The following ELOVL7 variants were observed in gnomAD, a reference collection of about 807,000 sequenced individuals.
ELOVL7 encodes the protein ELOVL fatty acid elongase 7.
ELOVL7 carries 27 observed loss-of-function variants against 35.7 expected under a neutral mutation model. That is an observed-to-expected ratio of 0.76 (90% CI 0.56 to 1.04). The LOEUF is 1.04. Ranked by LOEUF, ELOVL7 falls within the 50% of genes least tolerant of loss-of-function variation. The pLI is 0.00. For missense variants in ELOVL7, 327 were observed against 340.8 expected, an observed-to-expected ratio of 0.96 and a Z score of 0.32; for synonymous variants, 113 against 114.6, an observed-to-expected ratio of 0.99 and a Z score of 0.09.
chr5:60,780,573 C>A (rs553952967), intron 3 of ELOVL7, among the ~76,000 whole-genome samples: 1 of 152,308 alleles, frequency 6.6e-6, no homozygotes, highest in East Asian at 1.9e-4. Flanking sequence ...TCCATTCTCA[C>A]ACTGCTATGA....
At chr5:60,785,407 T>C (rs1420582703) in intron 3 of ELOVL7, among the ~76,000 whole-genome samples, 3 of 152,340 alleles carry the variant, frequency 2.0e-5, no homozygotes, top group Middle Eastern at 3.4e-3. Flanking sequence ...TAGGACTACA[T>C]AGATATTTAT....
At chr5:60,795,937 G>GCCATCTTGGGAGCAGCCCGCCA (rs1460229491) in intron 2 of ELOVL7, among the ~76,000 whole-genome samples, 2 of 152,174 alleles carry the variant, frequency 1.3e-5, no homozygotes, top group African/African-American at 2.4e-5. Flanking sequence ...AAGGCTTGCC[G>GCCATCTTGGGAGCAGCCCGCCA]CCATCTTGGG....
rs1298925920 is a variant in ELOVL7 at position 60,754,788 on chromosome 5, T to A, written c.682A>T (p.Met228Leu). ...VAIHISQFFF[M>L]EDCKYQFPVF... The stretch of plus-strand genomic sequence containing the variant: ...GGAAACTGATACTTGCAATCCTCCA[T>A]GAAAAAGAACTGGCTTATGTGGATG... Residue 228 changes from methionine to leucine, a missense_variant, in exon 9 of 9, where the codon ATG becomes TTG. Physicochemically the swap from Met to Leu is conservative, Grantham distance 15. Transcript: ENST00000508821. 6.2e-7 allele frequency: 1 copy of A among 1,613,974 alleles called. No homozygotes were observed. The highest frequency in any genetic ancestry group is 2.2e-5 in the East Asian group (1 of 44,872).
Position 60,778,401 on chromosome 5 carries a change from G to A in ELOVL7, c.65-6308C>T, listed in dbSNP as rs571475990. 2.6e-5 allele frequency among the ~76,000 whole-genome samples: 4 copies of A among 152,292 alleles called. No individual in the cohort carries two copies. In the South Asian group the frequency reaches 8.3e-4, roughly 32 times the overall value. On this transcript the variant is annotated intron_variant, in intron 3 of 8. Transcript: ENST00000508821. ...GCTATGAAGAAATACCCGAGACTGG[G>A]TAATTTATCAAGGAAAGAGGTTTAA...
At chr5:60,822,117 G>A (rs2112356047) in intron 1 of ELOVL7, among the ~76,000 whole-genome samples, 1 of 152,174 alleles carries the variant, frequency 6.6e-6, no homozygotes, top group East Asian at 1.9e-4. Flanking sequence ...ATGAAGGTGT[G>A]AATGATAAGA....
chr5:60,777,907 C>T (rs903899808), intron 3 of ELOVL7, among the ~76,000 whole-genome samples: 84 of 152,256 alleles, frequency 5.5e-4, no homozygotes, highest in Non-Finnish European at 1.2e-3. Context: ...AACAAAAGGA[C>T]GTCTCTGATG....
chr5:60,791,187 G>A (rs1313406757), intron 2 of ELOVL7, among the ~76,000 whole-genome samples: 4 of 152,076 alleles, frequency 2.6e-5, no homozygotes, highest in Non-Finnish European at 5.9e-5. Context: ...TGTTGCTCAG[G>A]CTGGTCTCAA....
At chr5:60,784,232 T>G in intron 3 of ELOVL7, 1 of 985,156 alleles carries the variant, frequency 1.0e-6, no homozygotes, top group East Asian at 2.6e-5. Context: ...AAAGCAAACA[T>G]GTACCTTAAG....
intron 2 of ELOVL7, among the ~76,000 whole-genome samples, chr5:60,793,221 T>C: frequency 6.6e-6 from 1 of 152,128 alleles, no homozygotes; most frequent in East Asian, 1.9e-4. Flanking sequence ...GCCACAGAGG[T>C]TCAGAAACTC....
intron 3 of ELOVL7, among the ~76,000 whole-genome samples, 197 bp from the exon 4 acceptor site, chr5:60,772,290 G>A (rs1742646909): frequency 6.6e-6 from 1 of 152,140 alleles, no homozygotes; most frequent in Non-Finnish European, 1.5e-5. Context: ...AACAGTGGGA[G>A]AGGAGCTGTA....
chr5:60,789,493 T>C (rs990239893), intron 2 of ELOVL7, among the ~76,000 whole-genome samples: 8 of 152,192 alleles, frequency 5.3e-5, no homozygotes, highest in African/African-American at 1.9e-4. Context: ...TGTGGGAAAT[T>C]CTCTCTCTTC....
chr5:60,761,448 A>G lies in ELOVL7; in HGVS notation c.499+2779T>C, dbSNP rs535846731. On this transcript the variant is annotated intron_variant, in intron 7 of 8. Transcript: ENST00000508821. ...TTGGAATGGACAGTTTCATTCTAGG[A>G]ATGGACCTCAGCGCCAAACAACATT... Among the ~76,000 whole-genome samples the G allele has an allele frequency of 4.6e-5, 7 of 152,252 alleles. No individual in the cohort carries two copies. In the East Asian group the frequency reaches 1.4e-3, roughly 29 times the overall value.
chr5:60,798,313 T>C (rs16878436), intron 2 of ELOVL7, among the ~76,000 whole-genome samples: 6,195 of 152,184 alleles, frequency 0.041, 436 homozygotes, highest in African/African-American at 0.14. Flanking sequence ...AACATACATC[T>C]CTTCAGATCT....
Position 60,764,344 on chromosome 5 carries a change from T to C in ELOVL7, c.394-12A>G, listed in dbSNP as rs778418111. 3 of 1,579,756 alleles carry C rather than the reference T, an allele frequency of 1.9e-6. No homozygotes were observed. The highest frequency in any genetic ancestry group is 2.7e-5 in the African/African-American group (2 of 74,166). On this transcript the variant is annotated splice_polypyrimidine_tract_variant and intron_variant, in intron 6 of 8. Transcript: ENST00000508821. ...AGAACAAAAAAGATCTGAAATAATTTAAAGAATATCAAGTTCACAGAAAAT... is the reference window on the plus strand; with the variant it reads ...AGAACAAAAAAGATCTGAAATAATTCAAAGAATATCAAGTTCACAGAAAAT...
In ELOVL7 at chr5:60,765,190, A is replaced by C. The variant is rs116826110; in HGVS notation, c.394-858T>G. ...GAATATGGAAATTTTGCACATTTCC[A>C]AGTGCAAAATGCGTTTGCTTACGCA... On this transcript the variant is annotated intron_variant, in intron 6 of 8. Coordinates refer to ENST00000508821, the MANE Select transcript of ELOVL7 (RefSeq NM_024930.3). 8.7e-3 allele frequency among the ~76,000 whole-genome samples: 1,321 copies of C among 152,336 alleles called. 15 individuals carry two copies. Among genetic ancestry groups the C allele is most frequent in the African/African-American group, 0.03 (1,262 of 41,580 alleles).
chr5:60,797,596 G>A lies in ELOVL7; in HGVS notation c.-35+1584C>T, dbSNP rs191329381. 2.0e-5 allele frequency among the ~76,000 whole-genome samples: 3 copies of A among 152,314 alleles called. No individual in the cohort carries two copies. In the East Asian group the frequency reaches 5.8e-4, roughly 29 times the overall value. On this transcript the variant is annotated intron_variant, in intron 2 of 8. Coordinates refer to ENST00000508821, the MANE Select transcript of ELOVL7 (RefSeq NM_024930.3). Reference sequence around the variant, plus strand: ...GTTAGTACAGATCCCAGAGAGAAAGGTAATAAGCCCTGAGGAAGTGCCAGG... The same window carrying A: ...GTTAGTACAGATCCCAGAGAGAAAGATAATAAGCCCTGAGGAAGTGCCAGG...
intron 2 of ELOVL7, among the ~76,000 whole-genome samples, chr5:60,798,731 G>A: frequency 6.6e-6 from 1 of 152,082 alleles, no homozygotes; most frequent in East Asian, 1.9e-4. Context: ...GATCTGAAAA[G>A]AGAGAGAGAC....
In ELOVL7 at chr5:60,753,111, A is replaced by G. The variant is rs1484323772; in HGVS notation, c.*1513T>C. The G allele has an allele frequency of 2.0e-5, 3 of 152,116 alleles. No homozygotes were observed. The highest frequency in any genetic ancestry group is 7.2e-5 in the African/African-American group (3 of 41,428). 9.4% of individuals were successfully genotyped at this position (152,116 alleles called of 1,614,324 possible). On this transcript the variant is annotated 3_prime_UTR_variant, in exon 9 of 9. Transcript: ENST00000508821. ...AAATACTTACTGTACACAGAGTACAATAAGTATCTCTGTGTGTTCAAAATT... is the reference window on the plus strand; with the variant it reads ...AAATACTTACTGTACACAGAGTACAGTAAGTATCTCTGTGTGTTCAAAATT...
intron 1 of ELOVL7, among the ~76,000 whole-genome samples, chr5:60,823,471 T>G (rs1746001847): frequency 6.6e-6 from 1 of 152,338 alleles, no homozygotes; most frequent in East Asian, 1.9e-4. Context: ...TACCACTCTA[T>G]GTCCCATGCC....
Sources: allele counts gnomAD v4.1 joint callset (sites outside exome capture counted in the v4.1 genomes callset), GRCh38; gene constraint gnomAD v4.1.1; transcripts MANE v1.5; gene names NCBI Gene and HGNC (gene_info 2026-07-23, HGNC 2026-07-21).